SLIT3: variants seen among roughly 807,000 people sequenced by gnomAD.
SLIT3 encodes the protein slit homolog 3 protein.
Under a neutral mutation model 184.0 loss-of-function variants are expected in SLIT3, and 68 were observed. The ratio of observed to expected loss-of-function variants is 0.37; its 90% CI spans 0.30 to 0.45. The LOEUF (loss-of-function observed/expected upper bound fraction) is 0.45. Among genes scored for constraint, SLIT3 ranks in the 20% least tolerant of loss-of-function variants. The pLI, the probability that SLIT3 is intolerant of heterozygous loss-of-function variation, is 1.00. For synonymous variants in SLIT3, 831 were observed against 828.6 expected, an observed-to-expected ratio of 1.00 and a Z score of -0.05; for missense variants, 1,707 against 2,026.0, an observed-to-expected ratio of 0.84 and a Z score of 3.02.
At chr5:169,010,763 C>T (rs1010618444) in intron 4 of SLIT3, among the ~76,000 whole-genome samples, 4 of 152,018 alleles carry the variant, frequency 2.6e-5, no homozygotes, top group Admixed American at 1.3e-4. Context: ...ATTAGCCAGG[C>T]GTGGCGGCAT....
At chr5:168,952,509 AGAG>A (rs1762684809) in intron 4 of SLIT3, among the ~76,000 whole-genome samples, 1 of 144,746 alleles carries the variant, frequency 6.9e-6, no homozygotes, top group Non-Finnish European at 1.5e-5. Context: ...CCACAATCTC[AGAG>A]AAGAAGGGAA....
At chr5:169,178,603 T>C (rs955573069) in intron 4 of SLIT3, among the ~76,000 whole-genome samples, 3 of 152,152 alleles carry the variant, frequency 2.0e-5, no homozygotes, top group Non-Finnish European at 2.9e-5. Flanking sequence ...ACGATTCTTA[T>C]TTTCTTTCTT....
chr5:168,888,426 G>C (rs1185225132), intron 4 of SLIT3, among the ~76,000 whole-genome samples: 1 of 152,226 alleles, frequency 6.6e-6, no homozygotes, highest in Non-Finnish European at 1.5e-5. Context: ...CAAAGAAGCA[G>C]GTGATAGGAC....
At chr5:168,868,592 C>T (rs1208856416) in intron 5 of SLIT3, among the ~76,000 whole-genome samples, 1 of 151,588 alleles carries the variant, frequency 6.6e-6, no homozygotes, top group African/African-American at 2.4e-5. Context: ...TACTAAAATA[C>T]AAAAAATTAG....
chr5:168,732,781 C>G (rs1288323026), intron 20 of SLIT3, among the ~76,000 whole-genome samples: 1 of 152,100 alleles, frequency 6.6e-6, no homozygotes, highest in Non-Finnish European at 1.5e-5. Context: ...AAGAATGAAA[C>G]TGGACTCATA....
intron 3 of SLIT3, among the ~76,000 whole-genome samples, chr5:169,225,095 A>G (rs925163356): frequency 2.0e-5 from 3 of 152,236 alleles, no homozygotes; most frequent in African/African-American, 7.2e-5. Flanking sequence ...GATACTCAAA[A>G]TAATTGGCTG....
intron 4 of SLIT3, among the ~76,000 whole-genome samples, chr5:169,048,990 A>G (rs1005928920): frequency 5.9e-5 from 9 of 152,192 alleles, no homozygotes; most frequent in Non-Finnish European, 1.3e-4. Context: ...AGTATTGGAC[A>G]TTCAGTGGAT....
intron 4 of SLIT3, among the ~76,000 whole-genome samples, chr5:169,061,110 G>A (rs1249966012): frequency 6.6e-6 from 1 of 152,178 alleles, no homozygotes; most frequent in African/African-American, 2.4e-5. Flanking sequence ...TAATCCACTA[G>A]CACGGTTCTA....
At chr5:168,881,081 C>T (rs968227257) in intron 5 of SLIT3, among the ~76,000 whole-genome samples, 1 of 152,168 alleles carries the variant, frequency 6.6e-6, no homozygotes, top group Non-Finnish European at 1.5e-5. Context: ...ATCCTTTAGG[C>T]AGTGAATTCA....
chr5:168,678,388 G>A (rs1018219163), intron 32 of SLIT3, among the ~76,000 whole-genome samples: 1 of 152,110 alleles, frequency 6.6e-6, no homozygotes, highest in Admixed American at 6.5e-5. Flanking sequence ...TGTAATCCTA[G>A]CACTTTGGGA....
chr5:168,674,441 A>T (rs548332753), intron 32 of SLIT3, among the ~76,000 whole-genome samples: 2 of 152,030 alleles, frequency 1.3e-5, no homozygotes, highest in Non-Finnish European at 2.9e-5. Context: ...AGCATAATGC[A>T]AGTATTCAAC....
At chr5:169,181,935 C>G (rs868799011) in intron 4 of SLIT3, among the ~76,000 whole-genome samples, 1 of 152,234 alleles carries the variant, frequency 6.6e-6, no homozygotes, top group East Asian at 1.9e-4. Flanking sequence ...TTCCCTTTAT[C>G]TGGAGAAACG....
intron 2 of SLIT3, among the ~76,000 whole-genome samples, chr5:169,247,344 T>C (rs775204064): frequency 2.3e-4 from 35 of 152,110 alleles, no homozygotes; most frequent in Non-Finnish European, 4.6e-4. Context: ...ACTTCAACAC[T>C]ACTGACTGGA....
chr5:169,099,529 T>C (rs1759927129), intron 4 of SLIT3, among the ~76,000 whole-genome samples: 1 of 152,236 alleles, frequency 6.6e-6, no homozygotes, highest in African/African-American at 2.4e-5. Context: ...TTCTAGACTT[T>C]ATGCCATTTT....
intron 19 of SLIT3, among the ~76,000 whole-genome samples, chr5:168,748,852 T>G (rs1454124792): frequency 6.6e-6 from 1 of 152,210 alleles, no homozygotes; most frequent in Non-Finnish European, 1.5e-5. Flanking sequence ...TAATCTCAGT[T>G]AATTATCTGT....
At chr5:168,737,937 T>C (rs1173599118) in intron 20 of SLIT3, among the ~76,000 whole-genome samples, 1 of 152,146 alleles carries the variant, frequency 6.6e-6, no homozygotes, top group Non-Finnish European at 1.5e-5. Flanking sequence ...TCACAGAGAG[T>C]ATTCTGGTGA....
rs1369638081 is a variant in SLIT3 at position 169,229,778 on chromosome 5, T to C, written c.341+14927A>G. Among the ~76,000 whole-genome samples the C allele has an allele frequency of 3.3e-5, 5 of 152,040 alleles. No individual in the cohort carries two copies. In the South Asian group the frequency reaches 1.0e-3, roughly 32 times the overall value. ...AAAATGAAGCACTTCATATAGGTAATCTCATAAGAGCCTCATAAAGTGGGT... is the reference window on the plus strand; with the variant it reads ...AAAATGAAGCACTTCATATAGGTAACCTCATAAGAGCCTCATAAAGTGGGT... On this transcript the variant is annotated intron_variant, in intron 3 of 35. Coordinates refer to ENST00000519560, the MANE Select transcript of SLIT3 (RefSeq NM_003062.4).
Position 169,024,428 on chromosome 5 carries a change from G to T in SLIT3, c.414-141092C>A, listed in dbSNP as rs538276287. The stretch of plus-strand genomic sequence containing the variant: ...TTCAGGAGGCAAACTTTTCCACGGG[G>T]GAGAGAGCTATCAGTCAAAAACTTC... On this transcript the variant is annotated intron_variant, in intron 4 of 35. Coordinates refer to ENST00000519560, the MANE Select transcript of SLIT3 (RefSeq NM_003062.4). 2.6e-5 allele frequency: 4 copies of T among 152,318 alleles called. No individual in the cohort carries two copies. In the East Asian group the frequency reaches 7.7e-4, roughly 29 times the overall value. The allele number at this position is 152,318 out of a possible 1,614,324, so 9.4% of individuals were successfully genotyped here. A position where few individuals can be genotyped will look rare whatever the true frequency, so the allele number is the denominator to read the frequency against.
At chr5:169,066,826 C>T (rs1056004769) in intron 4 of SLIT3, among the ~76,000 whole-genome samples, 3 of 150,278 alleles carry the variant, frequency 2.0e-5, no homozygotes, top group Non-Finnish European at 2.9e-5. Flanking sequence ...AGTTATGGTA[C>T]ATTTATATAA....
Sources: allele counts gnomAD v4.1 joint callset (sites outside exome capture counted in the v4.1 genomes callset), GRCh38; gene constraint gnomAD v4.1.1; transcripts MANE v1.5; gene names NCBI Gene and HGNC (gene_info 2026-07-23, HGNC 2026-07-21).